The following PRR14L variants were observed in gnomAD, a reference collection of about 807,000 sequenced individuals.
PRR14L encodes proline rich 14 like.
PRR14L carries 80 observed loss-of-function variants against 155.0 expected under a neutral mutation model. The observed-to-expected ratio is 0.52, with a 90% confidence interval of 0.43 to 0.62. The LOEUF (loss-of-function observed/expected upper bound fraction) is 0.62, where lower values mean the gene tolerates loss of function less well. Among genes scored for constraint, PRR14L ranks in the 20% least tolerant of loss-of-function variants. The pLI is 0.00. For synonymous variants in PRR14L, 883 were observed against 916.0 expected (o/e 0.96, Z 0.65); for missense variants, 2,469 against 2,548.0 (o/e 0.97, Z 0.67).
In PRR14L at chr22:31,684,730, A is replaced by C. The variant is rs2074473644; in HGVS notation, c.*797T>G. On this transcript the variant is annotated 3_prime_UTR_variant, in exon 9 of 9. Coordinates refer to ENST00000327423, the MANE Select transcript of PRR14L (RefSeq NM_173566.3). ...GTCAAATGCCTATCATGTATTCTTA[A>C]GACATGTATTGTTTTTCTCCTTAAA... 6.6e-6 allele frequency: 1 copy of C among 152,206 alleles called. No homozygotes were observed. The highest frequency in any genetic ancestry group is 2.4e-5 in the African/African-American group (1 of 41,458). The allele number at this position is 152,206 out of a possible 1,614,324, so 9.4% of individuals were successfully genotyped here. A position where few individuals can be genotyped will look rare whatever the true frequency, so the allele number is the denominator to read the frequency against.
At chr22:31,711,776 CAA>C (rs757790329) in intron 4 of PRR14L, among the ~76,000 whole-genome samples, 16 of 48,724 alleles carry the variant, frequency 3.3e-4, no homozygotes, top group South Asian at 1.0e-3. Context: ...AAGAGTTAAT[CAA>C]AAAAAAAAAA....
intron 7 of PRR14L, among the ~76,000 whole-genome samples, chr22:31,693,836 C>T (rs1385903921): frequency 2.0e-5 from 3 of 152,154 alleles, no homozygotes; most frequent in East Asian, 3.8e-4. Context: ...CTGCTGTTAA[C>T]CCATTTATTA....
chr22:31,691,700 T>C (rs562548520), intron 7 of PRR14L, among the ~76,000 whole-genome samples: 2 of 152,316 alleles, frequency 1.3e-5, no homozygotes, highest in East Asian at 3.9e-4. Context: ...TTGTAGCATG[T>C]ATCAGTACTT....
At chr22:31,736,312 G>C (rs2147874902) in intron 2 of PRR14L, among the ~76,000 whole-genome samples, 1 of 151,714 alleles carries the variant, frequency 6.6e-6, no homozygotes, top group East Asian at 1.9e-4. Context: ...CTTGAACCCA[G>C]GAGGTGGAGG....
At position 31,712,349 on chromosome 22, in the gene PRR14L, T is replaced by G. The variant is rs765659795; in HGVS notation, c.5490A>C (p.Gly1830=). The change falls in exon 4 of 9, where the codon GGA becomes GGC. Residue 1830 remains glycine (G), a synonymous_variant. Coordinates refer to ENST00000327423, the MANE Select transcript of PRR14L (RefSeq NM_173566.3). The part of the protein sequence containing the change: ...LHTLLALCSP[G]CYRIWTKKRS... ...GTTTTTTTGTCCAGATTCGGTAACATCCTGGGGAACAAAGTGCTAGAAGTG... is the reference window on the plus strand; with the variant it reads ...GTTTTTTTGTCCAGATTCGGTAACAGCCTGGGGAACAAAGTGCTAGAAGTG... 1 of 1,613,744 alleles carries G rather than the reference T, an allele frequency of 6.2e-7. No homozygotes were observed. The highest frequency in any genetic ancestry group is 1.1e-5 in the South Asian group (1 of 91,042).
At position 31,713,371 on chromosome 22, in the gene PRR14L, C is replaced by T. The variant is rs941204126; in HGVS notation, c.4468G>A (p.Gly1490Ser). Residue 1490 changes from glycine (G) to serine (S), a missense_variant, in exon 4 of 9, where the codon GGT (glycine) becomes AGT (serine). Coordinates refer to ENST00000327423, the MANE Select transcript of PRR14L (RefSeq NM_173566.3). ...GGGTCTTGTGCTTTCCGAGGGGCACCAAGAAGGCAAGGACTTGTGCATGAC... is the reference window on the plus strand; with the variant it reads ...GGGTCTTGTGCTTTCCGAGGGGCACTAAGAAGGCAAGGACTTGTGCATGAC... Reference protein sequence around the residue: ...TESCTSPCLLGAPRKAQDPSS... With the variant: ...TESCTSPCLLSAPRKAQDPSS... The T allele has an allele frequency of 1.4e-4, 220 of 1,551,946 alleles. No individual in the cohort carries two copies. The highest frequency in any genetic ancestry group is 1.8e-4 in the Non-Finnish European group (209 of 1,147,084).
rs1173221381 is a variant in PRR14L, at chr22:31,681,550, G to A, written c.*3977C>T. On this transcript the variant is annotated 3_prime_UTR_variant, in exon 9 of 9. Coordinates refer to ENST00000327423, the MANE Select transcript of PRR14L (RefSeq NM_173566.3). ...CAGCTATTTTTACTGGCCCAGACCA[G>A]CCCAAGGAGATGCTGAGGCCTCTCA... The A allele has an allele frequency of 6.6e-6, 1 of 152,044 alleles. No individual in the cohort carries two copies. The highest frequency in any genetic ancestry group is 1.5e-5 in the Non-Finnish European group (1 of 68,026). 9.4% of individuals were successfully genotyped at this position (152,044 alleles called of 1,614,324 possible).
intron 3 of PRR14L, among the ~76,000 whole-genome samples, chr22:31,723,503 A>C (rs2147868921): frequency 6.6e-6 from 1 of 152,342 alleles, no homozygotes; most frequent in South Asian, 2.1e-4. Flanking sequence ...ATGTGGGTGA[A>C]AATATACCAA....
chr22:31,687,641 C>T (rs368559719), intron 8 of PRR14L, among the ~76,000 whole-genome samples: 46 of 151,894 alleles, frequency 3.0e-4, no homozygotes, highest in Admixed American at 1.2e-3. Flanking sequence ...CGTGAGCCAC[C>T]GTGCCTGGCT....
intron 2 of PRR14L, 84 bp downstream of exon 2, chr22:31,738,303 G>A: frequency 8.9e-7 from 1 of 1,129,234 alleles, no homozygotes; most frequent in Non-Finnish European, 1.2e-6. Flanking sequence ...AATAAATCAT[G>A]AGCCAACCGT....
intron 7 of PRR14L, among the ~76,000 whole-genome samples, chr22:31,696,598 C>A (rs2074536101): frequency 6.6e-6 from 1 of 152,092 alleles, no homozygotes. Context: ...AAAAGTGATA[C>A]ATCTAAGAAG....
intron 4 of PRR14L, among the ~76,000 whole-genome samples, chr22:31,709,016 T>A (rs1047384300): frequency 6.6e-6 from 1 of 151,844 alleles, no homozygotes; most frequent in East Asian, 1.9e-4. Context: ...AGAGATGGGG[T>A]TTCTCCACGT....
intron 3 of PRR14L, among the ~76,000 whole-genome samples, chr22:31,717,696 T>G (rs1211539622): frequency 6.6e-6 from 1 of 152,234 alleles, no homozygotes; most frequent in Non-Finnish European, 1.5e-5. Context: ...TACTTGAAAT[T>G]AGATGTCATC....
At chr22:31,734,362 T>C (rs148745481) in intron 2 of PRR14L, among the ~76,000 whole-genome samples, 5 of 152,356 alleles carry the variant, frequency 3.3e-5, no homozygotes, top group African/African-American at 9.6e-5. Flanking sequence ...TTATCTCTGA[T>C]ATACATTGCA....
chr22:31,733,634 G>T (rs1433368205), intron 2 of PRR14L, among the ~76,000 whole-genome samples: 1 of 152,094 alleles, frequency 6.6e-6, no homozygotes, highest in Non-Finnish European at 1.5e-5. Context: ...TCGGTGAACA[G>T]GTCGAGGCAC....
In PRR14L at chr22:31,738,868, G is replaced by C; in HGVS notation, c.-8C>G. On this transcript the variant is annotated 5_prime_UTR_variant, in exon 2 of 9. In the 5' UTR this introduces an upstream ATG that the reference lacks. Transcript: ENST00000327423. ...TACTCCAGATGACAGCATTAGGACA[G>C]ATGCAGATTATGGAGTCAAGTCTTT... 1 of 1,501,254 alleles carries C rather than the reference G, an allele frequency of 6.7e-7. No homozygotes were observed. The highest frequency in any genetic ancestry group is 9.0e-7 in the Non-Finnish European group (1 of 1,115,672). The allele number at this position is 1,501,254 out of a possible 1,614,324, so 93.0% of individuals were successfully genotyped here.
chr22:31,687,370 C>G (rs1246699824), intron 8 of PRR14L, among the ~76,000 whole-genome samples: 1 of 126,618 alleles, frequency 7.9e-6, no homozygotes, highest in African/African-American at 3.0e-5. Flanking sequence ...TTTTTTTTTT[C>G]TGAGACAGAG....
At chr22:31,738,333 A>T (rs1438039916) in intron 2 of PRR14L, 54 bp downstream of exon 2, 3 of 1,383,946 alleles carry the variant, frequency 2.2e-6, no homozygotes, top group Non-Finnish European at 3.0e-6. Flanking sequence ...TATTTTATCC[A>T]GAGAAAGCTG....
Position 31,714,748 on chromosome 22 carries a change from T to C in PRR14L, c.3091A>G (p.Lys1031Glu). 1.3e-6 allele frequency: 2 copies of C among 1,552,400 alleles called. No homozygotes were observed. The highest frequency in any genetic ancestry group is 8.7e-7 in the Non-Finnish European group (1 of 1,147,150). ...AAGGCTCCTTTCAAATTGCATTTCTTTGGACTACCACAAGGTAGTGAGTTA... is the reference window on the plus strand; with the variant it reads ...AAGGCTCCTTTCAAATTGCATTTCTCTGGACTACCACAAGGTAGTGAGTTA... ...SNNSLPCGSP[K>E]KCNLKGAFVK... The change falls in exon 4 of 9, where the codon AAG becomes GAG. Residue 1031 changes from lysine to glutamate, a missense_variant. By Grantham distance (56) the Lys-to-Glu change is moderately conservative. This residue lies in a region of PRR14L where 2,363 missense variants were observed against 2,371.6 expected (regional missense o/e 1.00). Coordinates refer to ENST00000327423, the MANE Select transcript of PRR14L (RefSeq NM_173566.3).
Sources: gnomAD v4.1 joint callset for allele counts (sites outside exome capture counted in the v4.1 genomes callset) on GRCh38, gnomAD v4.1.1 for gene constraint, gnomAD v4.1.1 regional missense constraint, MANE v1.5 for transcripts, NCBI Gene and HGNC (gene_info 2026-07-23, HGNC 2026-07-21) for gene names.